KCNJ12: variants seen among roughly 807,000 people sequenced by gnomAD.
KCNJ12 encodes the protein ATP-sensitive inward rectifier potassium channel 12.
Under a neutral mutation model 22.3 loss-of-function variants are expected in KCNJ12, and 2 were observed. The ratio of observed to expected loss-of-function variants is 0.09; its 90% CI spans 0.04 to 0.28. KCNJ12 has a LOEUF of 0.28. Ranked by LOEUF, KCNJ12 falls within the 10% of genes least tolerant of loss-of-function variation. The pLI is 1.00. For synonymous variants in KCNJ12, 117 were observed against 261.4 expected, an observed-to-expected ratio of 0.45 and a Z score of 5.33; for missense variants, 155 against 633.3, an observed-to-expected ratio of 0.24 and a Z score of 8.11.
At chr17:21,408,882 C>T (rs1403376607) in intron 2 of KCNJ12, among the ~76,000 whole-genome samples, 67 of 152,252 alleles carry the variant, frequency 4.4e-4, no homozygotes, top group Non-Finnish European at 8.2e-4. Flanking sequence ...ACCATCCATC[C>T]ACCCATCCTT....
intron 1 of KCNJ12, among the ~76,000 whole-genome samples, chr17:21,387,305 G>A (rs1419181182): frequency 2.2e-5 from 3 of 138,516 alleles, no homozygotes; most frequent in Admixed American, 7.4e-5. Flanking sequence ...AGCCGGGCGT[G>A]GTGGCAGGCG....
intron 2 of KCNJ12, among the ~76,000 whole-genome samples, chr17:21,411,116 C>A (rs1906316738): frequency 6.6e-6 from 1 of 152,308 alleles, no homozygotes; most frequent in African/African-American, 2.4e-5. Context: ...AATGTGGGTC[C>A]AGGCCTTGCC....
intron 1 of KCNJ12, among the ~76,000 whole-genome samples, chr17:21,389,691 A>G (rs2144776713): frequency 6.6e-6 from 1 of 151,994 alleles, no homozygotes; most frequent in African/African-American, 2.4e-5. Context: ...CCTGGGGAAG[A>G]GGCCCTGGAT....
intron 1 of KCNJ12, among the ~76,000 whole-genome samples, chr17:21,387,141 G>A (rs2144771961): frequency 6.6e-6 from 1 of 150,510 alleles, no homozygotes; most frequent in South Asian, 2.1e-4. Flanking sequence ...GGGTGACAGA[G>A]CGAGACTCCG....
rs111560549 is a variant in KCNJ12 at position 21,416,179 on chromosome 17, G to A, written c.837G>A (p.Pro279=). Reference sequence around the variant, plus strand: ...TGCATGAGATTGACGAGGCCAGCCCGCTCTTCGGCATCAGCCGGCAGGACC... The same window carrying A: ...TGCATGAGATTGACGAGGCCAGCCCACTCTTCGGCATCAGCCGGCAGGACC... ...TILHEIDEAS[P]LFGISRQDLE... Residue 279 remains proline, a synonymous_variant, in exon 3 of 3, where the codon CCG becomes CCA. Coordinates refer to ENST00000583088, the MANE Select transcript of KCNJ12 (RefSeq NM_021012.5). The A allele has an allele frequency of 4.9e-5, 79 of 1,612,454 alleles. No individual in the cohort carries two copies. Among genetic ancestry groups the A allele is most frequent in the East Asian group, 1.8e-4 (8 of 44,844 alleles).
At position 21,377,801 on chromosome 17, in the gene KCNJ12, A is replaced by T. The variant is rs184873270; in HGVS notation, c.-179+888A>T. On this transcript the variant is annotated intron_variant, in intron 1 of 2. Transcript: ENST00000583088. ...TGGGGGTCAAAGTGTTTCTTTGGGG[A>T]CGGTCTTGTTCTGGGAGGTTTTCCT... 2.0e-4 allele frequency among the ~76,000 whole-genome samples: 30 copies of T among 152,228 alleles called. No individual in the cohort carries two copies. In the East Asian group the frequency reaches 5.2e-3, roughly 27 times the overall value.
At chr17:21,396,347 G>T (rs1195439107) in intron 1 of KCNJ12, among the ~76,000 whole-genome samples, 5 of 152,166 alleles carry the variant, frequency 3.3e-5, no homozygotes, top group African/African-American at 1.2e-4. Context: ...CCAGCTCGCC[G>T]CAAAGCCCTG....
At chr17:21,407,369 C>T (rs1272280263) in intron 1 of KCNJ12, among the ~76,000 whole-genome samples, 16 of 152,408 alleles carry the variant, frequency 1.0e-4, no homozygotes, top group East Asian at 1.9e-4. Flanking sequence ...TCCATCCATC[C>T]ATCCATCCAT....
intron 1 of KCNJ12, among the ~76,000 whole-genome samples, chr17:21,404,605 G>T (rs1255217657): frequency 2.0e-5 from 3 of 152,230 alleles, no homozygotes; most frequent in Non-Finnish European, 4.4e-5. Flanking sequence ...TCCTAGAAGG[G>T]CCCCAAGACC....
chr17:21,378,385 C>A (rs570380801), intron 1 of KCNJ12, among the ~76,000 whole-genome samples: 1 of 152,226 alleles, frequency 6.6e-6, no homozygotes, highest in African/African-American at 2.4e-5. Flanking sequence ...ACCGCCCCCC[C>A]CAACAAAAGA....
Position 21,412,610 on chromosome 17 carries a change from C to G in KCNJ12, c.-56-2677C>G, listed in dbSNP as rs1714888. Reference sequence around the variant, plus strand: ...GTCCAGGAATCTGGGGCTGAGCCCCCTTCCCAGCACAGCCTCAGGGGTCCC... The same window carrying G: ...GTCCAGGAATCTGGGGCTGAGCCCCGTTCCCAGCACAGCCTCAGGGGTCCC... On this transcript the variant is annotated intron_variant, in intron 2 of 2. Transcript: ENST00000583088. 7.9e-5 allele frequency among the ~76,000 whole-genome samples: 12 copies of G among 152,418 alleles called. No homozygotes were observed. The East Asian group carries it at 2.1e-3, about 27-fold the overall frequency.
At chr17:21,402,045 G>A (rs1905647237) in intron 1 of KCNJ12, among the ~76,000 whole-genome samples, 1 of 152,266 alleles carries the variant, frequency 6.6e-6, no homozygotes. Context: ...TGCCCAGCGT[G>A]CTGCGCGTCC....
chr17:21,381,565 T>G (rs930076189), intron 1 of KCNJ12, among the ~76,000 whole-genome samples: 2 of 152,072 alleles, frequency 1.3e-5, no homozygotes, highest in Admixed American at 6.5e-5. Flanking sequence ...TGCTGCTATC[T>G]CTGCCTGGAA....
At chr17:21,389,426 C>T (rs1180227712) in intron 1 of KCNJ12, among the ~76,000 whole-genome samples, 19 of 152,246 alleles carry the variant, frequency 1.2e-4, no homozygotes, top group African/African-American at 4.3e-4. Flanking sequence ...TCCATGTGTA[C>T]CACATCCCGG....
At chr17:21,400,149 A>T (rs1172635605) in intron 1 of KCNJ12, among the ~76,000 whole-genome samples, 2 of 152,052 alleles carry the variant, frequency 1.3e-5, no homozygotes, top group African/African-American at 4.8e-5. Context: ...GTGCTTCCAG[A>T]CCCTTCCCTG....
At position 21,376,931 on chromosome 17, in the gene KCNJ12, G is replaced by T. The variant is rs1285804512; in HGVS notation, c.-179+18G>T. The T allele has an allele frequency of 2.0e-5, 3 of 151,996 alleles. No homozygotes were observed. The highest frequency in any genetic ancestry group is 4.4e-5 in the Non-Finnish European group (3 of 67,954). 9.4% of individuals were successfully genotyped at this position (151,996 alleles called of 1,614,324 possible). On this transcript the variant is annotated intron_variant, in intron 1 of 2. Transcript: ENST00000583088. This position sits in a 1 kb window ranked among gnomAD's most constrained non-coding sequence, Gnocchi z 5.3. The stretch of plus-strand genomic sequence containing the variant: ...TGACCGAGGTAAGTGCGCGGCCGCG[G>T]GCGCATGGTCCCTCCCGGGCCCGGC...
chr17:21,377,284 C>T (rs1904692371), intron 1 of KCNJ12, among the ~76,000 whole-genome samples: 1 of 152,020 alleles, frequency 6.6e-6, no homozygotes, highest in Non-Finnish European at 1.5e-5. Context: ...TGGCGCGCGG[C>T]ACGGGTCCTA....
At chr17:21,377,489 C>T (rs568597542) in intron 1 of KCNJ12, among the ~76,000 whole-genome samples, 1 of 152,286 alleles carries the variant, frequency 6.6e-6, no homozygotes, top group African/African-American at 2.4e-5. Context: ...CAGCCAAGTC[C>T]AGAGGCTCCC....
At chr17:21,412,028 T>TCTCA (rs1479389006) in intron 2 of KCNJ12, among the ~76,000 whole-genome samples, 5 of 112,206 alleles carry the variant, frequency 4.5e-5, no homozygotes, top group Admixed American at 1.0e-4. Context: ...TCTCTCTCTC[T>TCTCA]CACACACACA....
Sources: gnomAD v4.1 joint callset for allele counts (sites outside exome capture counted in the v4.1 genomes callset) on GRCh38, gnomAD v4.1.1 for gene constraint, Gnocchi (gnomAD v3.1) non-coding constraint, MANE v1.5 for transcripts, NCBI Gene and HGNC (gene_info 2026-07-23, HGNC 2026-07-21) for gene names.